Variants in STK3 observed in about 807,000 individuals in gnomAD.
STK3 encodes serine/threonine kinase 3.
Under a neutral mutation model 58.0 loss-of-function variants are expected in STK3, and 41 were observed. That is an observed-to-expected ratio of 0.71 (90% CI 0.55 to 0.92). The LOEUF (loss-of-function observed/expected upper bound fraction) is 0.92. Ranked by LOEUF, STK3 falls within the 40% of genes least tolerant of loss-of-function variation. STK3 has a pLI of 0.00. For missense variants in STK3, 479 were observed against 602.7 expected (o/e 0.79, Z 2.15); for synonymous variants, 170 against 191.0 (o/e 0.89, Z 0.91).
chr8:98,940,203 C>A (rs1012536780), intron 1 of STK3, among the ~76,000 whole-genome samples: 9 of 152,192 alleles, frequency 5.9e-5, no homozygotes, highest in Non-Finnish European at 1.2e-4. Context: ...GGAGCCGGTG[C>A]GCCCTTCCGC....
At chr8:98,730,610 G>A (rs1468300576) in intron 4 of STK3, among the ~76,000 whole-genome samples, 1 of 151,668 alleles carries the variant, frequency 6.6e-6, no homozygotes, top group Non-Finnish European at 1.5e-5. Flanking sequence ...CAGCTACCCG[G>A]GAGGCTGAGG....
chr8:98,569,742 TTACA>T (rs1256279535), intron 8 of STK3, among the ~76,000 whole-genome samples: 2 of 152,006 alleles, frequency 1.3e-5, no homozygotes, highest in African/African-American at 2.4e-5. Context: ...TTAATTGTGA[TTACA>T]TAGGAAAAAT....
At chr8:98,554,542 T>C (rs560416906) in intron 8 of STK3, among the ~76,000 whole-genome samples, 5 of 152,278 alleles carry the variant, frequency 3.3e-5, no homozygotes, top group African/African-American at 1.2e-4. Flanking sequence ...GAATTAAGTT[T>C]GGAAGGGATT....
At chr8:98,399,024 G>A (rs771507843), downstream of STK3, among the ~76,000 whole-genome samples, 7 of 152,156 alleles carry the variant, frequency 4.6e-5, no homozygotes, top group Non-Finnish European at 2.9e-5. Flanking sequence ...GGCTACAGAC[G>A]TTCACTGCAT....
rs540466783 is a variant in STK3 at position 98,938,471 on chromosome 8, G to A, written c.-79+3907C>T. Among the ~76,000 whole-genome samples, 180 of 152,318 alleles carry A rather than the reference G, an allele frequency of 1.2e-3. 1 individual carries two copies. The highest frequency in any genetic ancestry group is 4.2e-3 in the African/African-American group (175 of 41,574). Reference sequence around the variant, plus strand: ...TTATACTCCCTCAAGAAAAGCAAAGGGACTTGATTCCATCTTAAGGTGACA... The same window carrying A: ...TTATACTCCCTCAAGAAAAGCAAAGAGACTTGATTCCATCTTAAGGTGACA... On this transcript the variant is annotated intron_variant, in intron 1 of 1. Transcript: ENST00000519420.
chr8:98,420,083 C>T (rs1445599389), intron 3 of STK3, among the ~76,000 whole-genome samples: 5 of 152,168 alleles, frequency 3.3e-5, no homozygotes, highest in African/African-American at 9.7e-5. Flanking sequence ...CGAGGTTCTA[C>T]TTTCTTTGGT....
intron 6 of STK3, among the ~76,000 whole-genome samples, chr8:98,635,333 T>C (rs893460127): frequency 6.6e-6 from 1 of 152,226 alleles, no homozygotes; most frequent in Non-Finnish European, 1.5e-5. Context: ...GGCAATGTAC[T>C]AAGTAGCTTT....
intron 1 of STK3, among the ~76,000 whole-genome samples, chr8:98,938,572 G>A (rs959595999): frequency 2.0e-5 from 3 of 152,162 alleles, no homozygotes; most frequent in Non-Finnish European, 4.4e-5. Flanking sequence ...CAGGGTGGGA[G>A]CCAGTGTGCA....
intron 1 of STK3, among the ~76,000 whole-genome samples, chr8:98,817,657 G>C (rs1021414841): frequency 1.1e-4 from 17 of 152,006 alleles, no homozygotes; most frequent in Non-Finnish European, 2.9e-5. Flanking sequence ...TCAAAACATA[G>C]GAGCCAGGAT....
chr8:98,795,774 G>A (rs1440341342), intron 1 of STK3, among the ~76,000 whole-genome samples: 1 of 151,376 alleles, frequency 6.6e-6, no homozygotes, highest in African/African-American at 2.4e-5. Context: ...TCAAGAACAC[G>A]ATCCCATTTA....
intron 6 of STK3, among the ~76,000 whole-genome samples, chr8:98,696,259 G>A (rs550064604): frequency 4.7e-4 from 72 of 152,288 alleles, no homozygotes; most frequent in Non-Finnish European, 9.3e-4. Flanking sequence ...ATTTTGGGCT[G>A]AGACAATGGG....
intron 6 of STK3, among the ~76,000 whole-genome samples, chr8:98,618,384 T>A (rs1302010550): frequency 6.6e-6 from 1 of 151,864 alleles, no homozygotes; most frequent in Non-Finnish European, 1.5e-5. Flanking sequence ...ACTGGAAGCA[T>A]TCCCTTTGAA....
chr8:98,921,795 G>T (rs781139704), intron 1 of STK3, among the ~76,000 whole-genome samples: 1 of 152,084 alleles, frequency 6.6e-6, no homozygotes, highest in African/African-American at 2.4e-5. Context: ...GGGTTCAAGC[G>T]ATTCTCCTGC....
chr8:98,902,274 T>C (rs1175435907), intron 1 of STK3, among the ~76,000 whole-genome samples: 2 of 152,200 alleles, frequency 1.3e-5, no homozygotes, highest in Admixed American at 6.5e-5. Flanking sequence ...TCTAAATTTT[T>C]ATCTCCAGCT....
chr8:98,693,055 G>T lies in STK3; in HGVS notation c.684+13412C>A, dbSNP rs1192260392. Among the ~76,000 whole-genome samples, 7 of 152,064 alleles carry T rather than the reference G, an allele frequency of 4.6e-5. No individual in the cohort carries two copies. The East Asian group carries it at 1.3e-3, about 29-fold the overall frequency. ...GTGGGCCCTAAATCCAATGACAAGT[G>T]CCCTTATAAGAGAAAGGCAGAGAGA... On this transcript the variant is annotated intron_variant, in intron 6 of 10. Coordinates refer to ENST00000419617, the MANE Select transcript of STK3 (RefSeq NM_006281.4).
Position 98,756,877 on chromosome 8 carries a change from G to A in STK3, c.237-7487C>T, listed in dbSNP as rs931351809. Among the ~76,000 whole-genome samples the A allele has an allele frequency of 9.9e-5, 15 of 152,282 alleles. No individual in the cohort carries two copies. In the East Asian group the frequency reaches 2.7e-3, roughly 28 times the overall value. On this transcript the variant is annotated intron_variant, in intron 3 of 10. Transcript: ENST00000419617. ...CTTTTCACCTGCCCAAATTGCCCCA[G>A]GGCCAGGTACCAGACAACCAGAGAA...
At chr8:98,805,224 C>G (rs1194999965) in intron 1 of STK3, among the ~76,000 whole-genome samples, 2 of 152,174 alleles carry the variant, frequency 1.3e-5, no homozygotes, top group Non-Finnish European at 2.9e-5. Context: ...TACAGCCTAG[C>G]CAGAGTGAAC....
At chr8:98,716,547 ACCT>A (rs1563924701) in intron 4 of STK3, among the ~76,000 whole-genome samples, 1 of 152,158 alleles carries the variant, frequency 6.6e-6, no homozygotes. Flanking sequence ...ATAAATAAAA[ACCT>A]ATCATATCTT....
At chr8:98,614,618 G>T (rs1041801427) in intron 6 of STK3, among the ~76,000 whole-genome samples, 3 of 152,204 alleles carry the variant, frequency 2.0e-5, no homozygotes, top group African/African-American at 4.8e-5. Flanking sequence ...TGCGCGAGCC[G>T]AAGCAGGGCG....
Sources: allele counts gnomAD v4.1 joint callset (sites outside exome capture counted in the v4.1 genomes callset), GRCh38; gene constraint gnomAD v4.1.1; transcripts MANE v1.5; gene names NCBI Gene and HGNC (gene_info 2026-07-23, HGNC 2026-07-21).